TCEA1: variants seen among roughly 807,000 people sequenced by gnomAD.
TCEA1 encodes transcription elongation factor A1, also known as transcription elongation factor A protein 1.
In TCEA1, 21 loss-of-function variants were observed where a neutral mutation model predicts 43.8. The observed-to-expected ratio is 0.48, with a 90% CI of 0.34 to 0.69. The LOEUF (loss-of-function observed/expected upper bound fraction) is 0.69. TCEA1 is among the 30% of genes least tolerant of loss of function. The pLI is 0.01. For synonymous variants in TCEA1, 104 were observed against 117.5 expected (o/e 0.88, Z 0.75); for missense variants, 250 against 365.1 (o/e 0.68, Z 2.57).
At chr8:53,976,670 A>C (rs1778154629) in intron 8 of TCEA1, among the ~76,000 whole-genome samples, 2 of 148,612 alleles carry the variant, frequency 1.3e-5, no homozygotes, top group Admixed American at 6.6e-5. Flanking sequence ...CTTTTTAAAG[A>C]AGTTTTAACT....
intron 8 of TCEA1, chr8:53,973,733 T>C: frequency 1.8e-6 from 1 of 562,846 alleles, no homozygotes. Context: ...ATGTTAGCAA[T>C]GCATGGTTTC....
chr8:53,972,681 G>A (rs963497068), intron 8 of TCEA1: 5 of 632,876 alleles, frequency 7.9e-6, no homozygotes, highest in Admixed American at 1.8e-5. Context: ...GCTATTAAGT[G>A]TTCCTGAAGA....
chr8:53,967,899 G>C lies in TCEA1; in HGVS notation c.*205C>G, dbSNP rs187032325. 1,013 of 427,768 alleles carry C rather than the reference G, an allele frequency of 2.4e-3. 9 individuals are homozygous for C. The highest frequency in any genetic ancestry group is 0.019 in the African/African-American group (939 of 49,958). The allele number at this position is 427,768 out of a possible 1,614,324, so 26.5% of individuals were successfully genotyped here. The stretch of plus-strand genomic sequence containing the variant: ...AACAGAAAAAATATGTTTTGAAACA[G>C]GTACCATAAAATTATTATATGGTCT... On this transcript the variant is annotated 3_prime_UTR_variant, in exon 10 of 10. Coordinates refer to ENST00000521604, the MANE Select transcript of TCEA1 (RefSeq NM_006756.4).
chr8:53,998,969 C>T (rs941567369), intron 3 of TCEA1, among the ~76,000 whole-genome samples: 1 of 152,028 alleles, frequency 6.6e-6, no homozygotes, highest in African/African-American at 2.4e-5. Flanking sequence ...TGGCTCACGC[C>T]TGTAATCCCA....
intron 3 of TCEA1, 25 bp downstream of exon 3, chr8:53,999,920 A>AT (rs1401970495): frequency 1.5e-6 from 2 of 1,354,064 alleles, no homozygotes; most frequent in Non-Finnish European, 2.1e-6. Context: ...CATCATAAAT[A>AT]TATGTAAGGG....
intron 3 of TCEA1, 57 bp from the exon 4 acceptor site, chr8:53,993,812 T>C (rs1803962093): frequency 1.4e-6 from 2 of 1,393,674 alleles, no homozygotes; most frequent in East Asian, 2.3e-5. Flanking sequence ...AAAACTAAAA[T>C]ACTGCGTTAA....
chr8:54,008,011 G>A (rs560147005), intron 2 of TCEA1, among the ~76,000 whole-genome samples: 23 of 151,586 alleles, frequency 1.5e-4, no homozygotes, highest in Non-Finnish European at 2.4e-4. Context: ...GTGAAACCCC[G>A]TCTCTACTAA....
At chr8:53,994,279 A>G (rs1244875008) in intron 3 of TCEA1, among the ~76,000 whole-genome samples, 1 of 152,172 alleles carries the variant, frequency 6.6e-6, no homozygotes, top group Non-Finnish European at 1.5e-5. Context: ...CAGCAGGTGG[A>G]GGCTGCAGTG....
chr8:53,998,735 A>G (rs1237312698), intron 3 of TCEA1, among the ~76,000 whole-genome samples: 1 of 152,218 alleles, frequency 6.6e-6, no homozygotes, highest in African/African-American at 2.4e-5. Context: ...TACACAGGTG[A>G]TAATTGATAG....
chr8:54,002,881 A>G (rs1326219174), intron 2 of TCEA1: 2 of 456,166 alleles, frequency 4.4e-6, no homozygotes, highest in African/African-American at 4.0e-5. Flanking sequence ...ATACAGAAAG[A>G]AAGACATTAC....
chr8:54,012,330 G>A (rs1804677064), intron 1 of TCEA1, among the ~76,000 whole-genome samples: 1 of 152,186 alleles, frequency 6.6e-6, no homozygotes, highest in Non-Finnish European at 1.5e-5. Context: ...GGGAGGCCGA[G>A]GTGGATGGAT....
At chr8:54,004,889 T>C (rs1374425675) in intron 2 of TCEA1, among the ~76,000 whole-genome samples, 1 of 152,184 alleles carries the variant, frequency 6.6e-6, no homozygotes, top group Non-Finnish European at 1.5e-5. Context: ...TGGAATAATA[T>C]CTAGCACATA....
rs531097288 is a variant in TCEA1 at position 54,011,492 on chromosome 8, A to G, written c.64-1000T>C. ...TCCAAGCCAATGACACTCATTCCAC[A>G]AGTTCTGATGCTAGGTTTAGCATTC... On this transcript the variant is annotated intron_variant, in intron 1 of 9. Coordinates refer to ENST00000521604, the MANE Select transcript of TCEA1 (RefSeq NM_006756.4). Among the ~76,000 whole-genome samples the G allele has an allele frequency of 2.0e-5, 3 of 152,358 alleles. No individual in the cohort carries two copies. The East Asian group carries it at 5.8e-4, about 29-fold the overall frequency.
chr8:54,008,826 T>G (rs901599358), intron 2 of TCEA1, among the ~76,000 whole-genome samples: 1 of 151,192 alleles, frequency 6.6e-6, no homozygotes, highest in African/African-American at 2.4e-5. Flanking sequence ...TCAGAATGGC[T>G]ATTATTTTAT....
intron 1 of TCEA1, among the ~76,000 whole-genome samples, chr8:54,017,426 A>G (rs878932999): frequency 6.6e-6 from 1 of 152,198 alleles, no homozygotes; most frequent in Admixed American, 6.5e-5. Context: ...TTACGACGAC[A>G]CATTTCCACT....
intron 2 of TCEA1, among the ~76,000 whole-genome samples, chr8:54,001,764 C>T (rs1804271414): frequency 6.6e-6 from 1 of 151,982 alleles, no homozygotes; most frequent in Admixed American, 6.6e-5. Context: ...AATGATTATC[C>T]CGCTTAGCCT....
intron 3 of TCEA1, 58 bp downstream of exon 3, chr8:53,999,887 T>C (rs1182737461): frequency 2.6e-6 from 3 of 1,162,696 alleles, no homozygotes; most frequent in Non-Finnish European, 3.8e-6. Flanking sequence ...AATGTAACCA[T>C]TAACTATTTG....
At chr8:54,021,954 AGACGGGAGGCTGCAGGGGGAGGG>A in intron 1 of TCEA1, 86 bp downstream of exon 1, 1 of 1,125,514 alleles carries the variant, frequency 8.9e-7, no homozygotes, top group Non-Finnish European at 1.2e-6. Context: ...CCCGGCTCCC[AGACGGGAGGCTGCAGGGGGAGGG>A]GAGGGAGAAG....
Position 53,993,768 on chromosome 8 carries a change from A to C in TCEA1, c.233-13T>G, listed in dbSNP as rs1006503034. ...GTTGATGGCCCATCTGAAAATTATGAAATCTCTTAAGTTGCTAGCATTTGT... is the reference window on the plus strand; with the variant it reads ...GTTGATGGCCCATCTGAAAATTATGCAATCTCTTAAGTTGCTAGCATTTGT... On this transcript the variant is annotated splice_polypyrimidine_tract_variant and intron_variant, in intron 3 of 9. Transcript: ENST00000521604. The C allele has an allele frequency of 3.7e-6, 6 of 1,605,200 alleles. No individual in the cohort carries two copies. Among genetic ancestry groups the C allele is most frequent in the Non-Finnish European group, 5.1e-6 (6 of 1,175,798 alleles).
Sources: gnomAD v4.1 joint callset for allele counts (sites outside exome capture counted in the v4.1 genomes callset) on GRCh38, gnomAD v4.1.1 for gene constraint, MANE v1.5 for transcripts, NCBI Gene and HGNC (gene_info 2026-07-23, HGNC 2026-07-21) for gene names.